Variants in CEP19 observed in about 807,000 individuals in gnomAD.
CEP19 encodes the protein centrosomal protein of 19 kDa.
A neutral mutation model predicts 17.5 loss-of-function variants in CEP19; 14 were observed. The ratio of observed to expected loss-of-function variants is 0.80; its 90% CI spans 0.53 to 1.25. The LOEUF is 1.25. CEP19 is among the 50% of genes most tolerant of loss of function. The pLI is 0.00. For synonymous variants in CEP19, 59 were observed against 65.5 expected, an observed-to-expected ratio of 0.90 and a Z score of 0.48; for missense variants, 193 against 192.0, an observed-to-expected ratio of 1.01 and a Z score of -0.03.
At position 196,707,389 on chromosome 3, in the gene CEP19, C is replaced by T. The variant is rs1711559832; in HGVS notation, c.*162G>A. The T allele has an allele frequency of 1.1e-5, 8 of 725,620 alleles. No homozygotes were observed. In the South Asian group the frequency reaches 1.5e-4, roughly 14 times the overall value. 44.9% of individuals were successfully genotyped at this position (725,620 alleles called of 1,614,324 possible). On this transcript the variant is annotated 3_prime_UTR_variant, in exon 3 of 3. Coordinates refer to ENST00000409690, the MANE Select transcript of CEP19 (RefSeq NM_032898.5). ...TTCTGTTTTTCCCATACTCCTCATG[C>T]ACCTACATAGTAGATGCTTTAAATG...
Position 196,706,654 on chromosome 3 carries a change from G to T in CEP19, c.*897C>A, listed in dbSNP as rs570226607. ...CTTTTCCAGAGATAAATAATATAAA[G>T]ATATAACACATAAGAGGTAATTCCC... is the stretch of plus-strand genomic sequence containing the variant. On this transcript the variant is annotated 3_prime_UTR_variant, in exon 3 of 3. Transcript: ENST00000409690. The T allele has an allele frequency of 2.0e-5, 3 of 152,064 alleles. No individual in the cohort carries two copies. Among genetic ancestry groups the T allele is most frequent in the Non-Finnish European group, 4.4e-5 (3 of 68,014 alleles). The allele number at this position is 152,064 out of a possible 1,614,324, so 9.4% of individuals were successfully genotyped here.
chr3:196,712,022 C>T lies in CEP19; in HGVS notation c.-164G>A. 2.8e-6 allele frequency: 2 copies of T among 716,606 alleles called. No individual in the cohort carries two copies. Among genetic ancestry groups the T allele is most frequent in the African/African-American group, 1.7e-5 (1 of 57,398 alleles). 44.4% of individuals were successfully genotyped at this position (716,606 alleles called of 1,614,324 possible). On this transcript the variant is annotated 5_prime_UTR_variant, in exon 1 of 3. Coordinates refer to ENST00000409690, the MANE Select transcript of CEP19 (RefSeq NM_032898.5). ...ACCCAACCGCAGTGCACGCAAAGCC[C>T]CTAAGCCGACTGTGAGACCGGGCGG... is the stretch of plus-strand genomic sequence containing the variant.
rs1195019395 is a variant in CEP19, at chr3:196,707,867, T to G, written c.176A>C (p.Lys59Thr). The change falls in exon 3 of 3, where the codon AAG (lysine) becomes ACG (threonine). Residue 59 changes from lysine to threonine, a missense_variant. Physicochemically the swap from Lys to Thr is moderately conservative, Grantham distance 78. Transcript: ENST00000409690. ...CAGGGATACTTGTTCTAGGTAACTCTTGTGTCGCGGATTATTCTTTAATTG... is the reference window on the plus strand; with the variant it reads ...CAGGGATACTTGTTCTAGGTAACTCGTGTGTCGCGGATTATTCTTTAATTG... Reference protein sequence around the residue: ...AEQLKNNPRHKSYLEQVSLRQ... With the variant: ...AEQLKNNPRHTSYLEQVSLRQ... 1.9e-6 allele frequency: 3 copies of G among 1,613,594 alleles called. 1 individual carries two copies. The highest frequency in any genetic ancestry group is 4.5e-5 in the East Asian group (2 of 44,892).
chr3:196,707,997 C>G, intron 2 of CEP19, 85 bp from the exon 3 acceptor site: 1 of 1,423,252 alleles, frequency 7.0e-7, no homozygotes, highest in Non-Finnish European at 9.4e-7. Flanking sequence ...CAAAACAGAA[C>G]AAAAACTCTG....
Position 196,707,760 on chromosome 3 carries a change from G to A in CEP19, c.283C>T (p.Arg95Trp), listed in dbSNP as rs201163650. 219 of 1,614,054 alleles carry A rather than the reference G, an allele frequency of 1.4e-4. 1 individual carries two copies. The highest frequency in any genetic ancestry group is 1.0e-4 in the Non-Finnish European group (122 of 1,180,000). Residue 95 changes from arginine (R) to tryptophan (W), a missense_variant, in exon 3 of 3, where the codon CGG becomes TGG. Arg to Trp is a moderately radical substitution (Grantham distance 101, BLOSUM62 -3). Transcript: ENST00000409690. The part of the protein sequence containing the change: ...SLAETMEQIQ[R>W]ETTIDPEEDL... ...TCCTCAGGATCAATGGTTGTTTCCC[G>A]TTGAATTTGTTCCATTGTTTCTGCC...
chr3:196,711,632 T>A (rs2108667708), intron 1 of CEP19, among the ~76,000 whole-genome samples: 1 of 152,294 alleles, frequency 6.6e-6, no homozygotes, highest in African/African-American at 2.4e-5. Flanking sequence ...TTGGATAGTA[T>A]GTTTTGACAT....
In CEP19 at chr3:196,707,700, TG is replaced by T. The variant is rs1711574778; in HGVS notation, c.342del (p.Arg116GlufsTer59). 1.9e-6 allele frequency: 3 copies of T among 1,614,080 alleles called. No individual in the cohort carries two copies. ...DLNKLDDKEL[A>X]KRKSIMDELF... The stretch of plus-strand genomic sequence containing the variant: ...AGTTCATCCATGATGCTCTTTCTTT[TG>T]GCAAGCTCCTTGTCATCTAGTTTGT... On this transcript the variant is annotated frameshift_variant, in exon 3 of 3. Transcript: ENST00000409690. LOFTEE classifies it high-confidence loss of function.
At chr3:196,708,204 A>T (rs755819386) in intron 2 of CEP19, among the ~76,000 whole-genome samples, 6 of 152,252 alleles carry the variant, frequency 3.9e-5, no homozygotes, top group Non-Finnish European at 5.9e-5. Flanking sequence ...GTCTGAGAAG[A>T]AAAGTGATAT....
intron 1 of CEP19, among the ~76,000 whole-genome samples, chr3:196,711,268 A>C (rs140916696): frequency 3.7e-4 from 56 of 152,246 alleles, no homozygotes; most frequent in African/African-American, 1.2e-3. Context: ...TTTAAAAGGC[A>C]TATCTTCCAA....
chr3:196,710,609 G>A (rs988771731), intron 1 of CEP19, among the ~76,000 whole-genome samples: 1 of 152,046 alleles, frequency 6.6e-6, no homozygotes, highest in African/African-American at 2.4e-5. Context: ...AGGCCAAGGA[G>A]AGGAGATACC....
At position 196,706,574 on chromosome 3, in the gene CEP19, CCT is replaced by C. The variant is rs1046126530; in HGVS notation, c.*975_*976del. ...CCGATACCGGAGGGGCAGAATTCCCCCTCTGTCCATCAAGTGACATCTGCTTG... is the reference window on the plus strand; with the variant it reads ...CCGATACCGGAGGGGCAGAATTCCCCCTGTCCATCAAGTGACATCTGCTTG... On this transcript the variant is annotated 3_prime_UTR_variant, in exon 3 of 3. Transcript: ENST00000409690. 9.9e-5 allele frequency: 15 copies of C among 152,092 alleles called. No homozygotes were observed. Among genetic ancestry groups the C allele is most frequent in the African/African-American group, 3.6e-4 (15 of 41,418 alleles). The allele number at this position is 152,092 out of a possible 1,614,324, so 9.4% of individuals were successfully genotyped here.
intron 2 of CEP19, among the ~76,000 whole-genome samples, chr3:196,708,153 T>C (rs1223151980): frequency 6.6e-6 from 1 of 152,202 alleles, no homozygotes; most frequent in Non-Finnish European, 1.5e-5. Context: ...AACTTAAAAA[T>C]CACTTTGTAG....
chr3:196,707,524 C>A lies in CEP19; in HGVS notation c.*27G>T. 6.4e-7 allele frequency: 1 copy of A among 1,573,590 alleles called. No individual in the cohort carries two copies. Among genetic ancestry groups the A allele is most frequent in the Non-Finnish European group, 8.6e-7 (1 of 1,162,834 alleles). On this transcript the variant is annotated 3_prime_UTR_variant, in exon 3 of 3. Coordinates refer to ENST00000409690, the MANE Select transcript of CEP19 (RefSeq NM_032898.5). ...GTAATAAACATGGATATTCTGCTAG[C>A]CCAATGCATGTTTTGAGTGTTTGGT...
intron 1 of CEP19, among the ~76,000 whole-genome samples, chr3:196,709,566 T>G (rs1283407381): frequency 6.6e-6 from 1 of 152,244 alleles, no homozygotes; most frequent in African/African-American, 2.4e-5. Flanking sequence ...CAGAATCAGC[T>G]TCTTCATATA....
Position 196,707,807 on chromosome 3 carries a change from C to G in CEP19, c.236G>C (p.Gly79Ala). ...TGCCAGACTCTGCCCCGACAAGTAACCTCGTAAAAAACTGAATAGCTTCTC... is the reference window on the plus strand; with the variant it reads ...TGCCAGACTCTGCCCCGACAAGTAAGCTCGTAAAAAACTGAATAGCTTCTC... Reference protein sequence around the residue: ...QLEKLFSFLRGYLSGQSLAET... With the variant: ...QLEKLFSFLRAYLSGQSLAET... The change falls in exon 3 of 3, where the codon GGT becomes GCT. Residue 79 changes from glycine (G) to alanine (A), a missense_variant. Transcript: ENST00000409690. 6.2e-7 allele frequency: 1 copy of G among 1,614,170 alleles called. No homozygotes were observed. The highest frequency in any genetic ancestry group is 8.5e-7 in the Non-Finnish European group (1 of 1,180,034).
chr3:196,708,612 C>A lies in CEP19; in HGVS notation c.46G>T (p.Ala16Ser). 6.2e-7 allele frequency: 1 copy of A among 1,614,096 alleles called. No homozygotes were observed. The highest frequency in any genetic ancestry group is 8.5e-7 in the Non-Finnish European group (1 of 1,179,944). Residue 16 changes from alanine (A) to serine (S), a missense_variant, in exon 2 of 3, where the codon GCT becomes TCT. By Grantham distance (99) the Ala-to-Ser change is moderately conservative. Transcript: ENST00000409690. ...KKCGIRFQPPAIILIYESEIK... is the reference protein window; with the variant it reads ...KKCGIRFQPPSIILIYESEIK... Reference sequence around the variant, plus strand: ...TCACTCTCATAGATTAAGATAATAGCTGGAGGCTGAAACCTAATCCCACAT... The same window carrying A: ...TCACTCTCATAGATTAAGATAATAGATGGAGGCTGAAACCTAATCCCACAT...
At chr3:196,709,157 A>G (rs1711650931) in intron 1 of CEP19, among the ~76,000 whole-genome samples, 2 of 152,308 alleles carry the variant, frequency 1.3e-5, no homozygotes, top group East Asian at 3.9e-4. Flanking sequence ...CCCCTAAGTC[A>G]GCCCAATAGC....
In CEP19 at chr3:196,707,709, C is replaced by G. The variant is rs1411939750; in HGVS notation, c.334G>C (p.Glu112Gln). Residue 112 changes from glutamate to glutamine, a missense_variant, in exon 3 of 3, where the codon GAG becomes CAG. Glu to Gln is a conservative substitution (Grantham distance 29, BLOSUM62 2). Coordinates refer to ENST00000409690, the MANE Select transcript of CEP19 (RefSeq NM_032898.5). ...EEDLNKLDDKELAKRKSIMDE... is the reference protein window; with the variant it reads ...EEDLNKLDDKQLAKRKSIMDE... ...ATGATGCTCTTTCTTTTGGCAAGCT[C>G]CTTGTCATCTAGTTTGTTCAGGTCT... 6.2e-7 allele frequency: 1 copy of G among 1,614,000 alleles called. No individual in the cohort carries two copies. Among genetic ancestry groups the G allele is most frequent in the African/African-American group, 1.3e-5 (1 of 74,904 alleles).
rs1711558880 is a variant in CEP19 at position 196,707,341 on chromosome 3, C to T, written c.*210G>A. 1.7e-6 allele frequency: 1 copy of T among 573,328 alleles called. No individual in the cohort carries two copies. The highest frequency in any genetic ancestry group is 2.4e-5 in the South Asian group (1 of 40,888). 35.5% of individuals were successfully genotyped at this position (573,328 alleles called of 1,614,324 possible). Reference sequence around the variant, plus strand: ...CCACCGCACCCGGCATGATTGTAAGCTCCTTAAAGGCAGATTCCTTTATTC... The same window carrying T: ...CCACCGCACCCGGCATGATTGTAAGTTCCTTAAAGGCAGATTCCTTTATTC... On this transcript the variant is annotated 3_prime_UTR_variant, in exon 3 of 3. Coordinates refer to ENST00000409690, the MANE Select transcript of CEP19 (RefSeq NM_032898.5).
Sources: gnomAD v4.1 joint callset for allele counts (sites outside exome capture counted in the v4.1 genomes callset) on GRCh38, gnomAD v4.1.1 for gene constraint, MANE v1.5 for transcripts, NCBI Gene and HGNC (gene_info 2026-07-23, HGNC 2026-07-21) for gene names.